Variants in LRRC14 observed in about 807,000 individuals in gnomAD.
LRRC14 encodes leucine rich repeat containing 14.
In LRRC14, 16 loss-of-function variants were observed where a neutral mutation model predicts 25.3. That is an observed-to-expected ratio of 0.63 (90% CI 0.43 to 0.96). The LOEUF is 0.96. Among genes scored for constraint, LRRC14 ranks in the 40% least tolerant of loss-of-function variants. LRRC14 has a pLI of 0.00. For synonymous variants in LRRC14, 359 were observed against 295.1 expected (o/e 1.22, Z -2.22); for missense variants, 594 against 660.5 (o/e 0.90, Z 1.10).
In LRRC14 at chr8:144,520,921, A is replaced by G; in HGVS notation, c.925A>G (p.Ser309Gly). ...CTGTGTCCCCTGTAGCACCCTGCAGAGCCCCCTGGAGAGCCTGGAGTTGGC... is the reference window on the plus strand; with the variant it reads ...CTGTGTCCCCTGTAGCACCCTGCAGGGCCCCCTGGAGAGCCTGGAGTTGGC... ...RLDQLLSTLQ[S>G]PLESLELAFC... Residue 309 changes from serine (S) to glycine (G), a missense_variant, in exon 4 of 4, where the codon AGC becomes GGC. Physicochemically the swap from Ser to Gly is moderately conservative, Grantham distance 56. Transcript: ENST00000292524. 1 of 1,610,324 alleles carries G rather than the reference A, an allele frequency of 6.2e-7. No individual in the cohort carries two copies. The highest frequency in any genetic ancestry group is 8.5e-7 in the Non-Finnish European group (1 of 1,179,386).
Position 144,522,624 on chromosome 8 carries a change from C to A in LRRC14, c.*1146C>A. ...ATGACGAACATCTCGTGGCCGCGCT[C>A]GTCGCGGAGCTCCTCTAGCTGTGCG... On this transcript the variant is annotated 3_prime_UTR_variant, in exon 4 of 4. Coordinates refer to ENST00000292524, the MANE Select transcript of LRRC14 (RefSeq NM_014665.4). 1 of 1,574,204 alleles carries A rather than the reference C, an allele frequency of 6.4e-7. No homozygotes were observed. The highest frequency in any genetic ancestry group is 8.6e-7 in the Non-Finnish European group (1 of 1,162,670).
At position 144,521,334 on chromosome 8, in the gene LRRC14, C is replaced by T. The variant is rs758420904; in HGVS notation, c.1338C>T (p.Val446=). Residue 446 remains valine (V), a synonymous_variant, in exon 4 of 4, where the codon GTC becomes GTT. Coordinates refer to ENST00000292524, the MANE Select transcript of LRRC14 (RefSeq NM_014665.4). ...EGLPWPPPAS[V]LLEASINEEK... ...TGCCCTGGCCGCCGCCTGCCTCTGT[C>T]CTGCTGGAGGCCTCCATCAATGAGG... 5 of 1,612,978 alleles carry T rather than the reference C, an allele frequency of 3.1e-6. No individual in the cohort carries two copies. Among genetic ancestry groups the T allele is most frequent in the Non-Finnish European group, 4.2e-6 (5 of 1,180,020 alleles).
chr8:144,523,801 C>T lies in LRRC14; in HGVS notation c.*2323C>T, dbSNP rs1816232091. The T allele has an allele frequency of 6.6e-6, 3 of 452,964 alleles. No individual in the cohort carries two copies. The highest frequency in any genetic ancestry group is 7.8e-6 in the Non-Finnish European group (2 of 255,994). The allele number at this position is 452,964 out of a possible 1,614,324, so 28.1% of individuals were successfully genotyped here. ...TGGATGCCCTCTCTTGGGAATGTCC[C>T]CAGTCCTGGTCAGCTGTCTCTCTCC... On this transcript the variant is annotated 3_prime_UTR_variant, in exon 4 of 4. Coordinates refer to ENST00000292524, the MANE Select transcript of LRRC14 (RefSeq NM_014665.4).
In LRRC14 at chr8:144,525,131, A is replaced by G; in HGVS notation, c.*3653A>G. ...GCGTCTAACTTTTGACGCTATAAAT[A>G]GGTTCAAGAAACTAATAAAACGTTC... On this transcript the variant is annotated 3_prime_UTR_variant, in exon 4 of 4. Coordinates refer to ENST00000292524, the MANE Select transcript of LRRC14 (RefSeq NM_014665.4). 6.9e-6 allele frequency: 5 copies of G among 721,662 alleles called. No individual in the cohort carries two copies. Among genetic ancestry groups the G allele is most frequent in the Non-Finnish European group, 9.9e-6 (5 of 505,558 alleles). The allele number at this position is 721,662 out of a possible 1,614,324, so 44.7% of individuals were successfully genotyped here.
Position 144,521,439 on chromosome 8 carries a change from C to T in LRRC14, c.1443C>T (p.Asp481=), listed in dbSNP as rs1025644909. The T allele has an allele frequency of 1.2e-6, 2 of 1,607,162 alleles. No homozygotes were observed. The highest frequency in any genetic ancestry group is 2.2e-5 in the East Asian group (1 of 44,870). ...SGRAHVLWTT[D]IYGRLAADYF... is the part of the protein sequence containing the mutation. ...GTGCCCATGTGCTCTGGACCACGGACATCTACGGGCGACTGGCTGCGGACT... is the reference window on the plus strand; with the variant it reads ...GTGCCCATGTGCTCTGGACCACGGATATCTACGGGCGACTGGCTGCGGACT... The change falls in exon 4 of 4, where the codon GAC becomes GAT. Residue 481 remains aspartate (D), a synonymous_variant. Transcript: ENST00000292524.
rs202056931 is a variant in LRRC14, at chr8:144,520,565, A to G, written c.657A>G (p.Ala219=). 30 of 1,600,116 alleles carry G rather than the reference A, an allele frequency of 1.9e-5. No individual in the cohort carries two copies. Among genetic ancestry groups the G allele is most frequent in the Non-Finnish European group, 2.5e-5 (30 of 1,179,864 alleles). Residue 219 remains alanine (A), a synonymous_variant, in exon 3 of 4, where the codon GCA becomes GCG. Coordinates refer to ENST00000292524, the MANE Select transcript of LRRC14 (RefSeq NM_014665.4). ...NTVALLQLLD[A]GCLRRVDLRF... is the part of the protein sequence containing the mutation. ...TGGCCCTGCTGCAGCTTCTGGATGC[A>G]GGCTGCCTGCGCCGCGTGGACCTGC...
chr8:144,522,522 G>T lies in LRRC14; in HGVS notation c.*1044G>T, dbSNP rs532519276. ...ACCGGCGGGGGCACGCGGAGTCCCGGCCCCGCCCCCTGTTCCGGGCCGCAG... is the reference window on the plus strand; with the variant it reads ...ACCGGCGGGGGCACGCGGAGTCCCGTCCCCGCCCCCTGTTCCGGGCCGCAG... On this transcript the variant is annotated 3_prime_UTR_variant, in exon 4 of 4. Transcript: ENST00000292524. The T allele has an allele frequency of 2.6e-6, 4 of 1,513,554 alleles. No homozygotes were observed. Among genetic ancestry groups the T allele is most frequent in the African/African-American group, 2.9e-5 (2 of 69,632 alleles). 93.8% of individuals were successfully genotyped at this position (1,513,554 alleles called of 1,614,324 possible).
rs906694608 is a variant in LRRC14 at position 144,525,103 on chromosome 8, C to G, written c.*3625C>G. On this transcript the variant is annotated 3_prime_UTR_variant, in exon 4 of 4. Coordinates refer to ENST00000292524, the MANE Select transcript of LRRC14 (RefSeq NM_014665.4). Reference sequence around the variant, plus strand: ...CCAATAGATGGAATGGAGGCCTGCACCTGCGTCTAACTTTTGACGCTATAA... The same window carrying G: ...CCAATAGATGGAATGGAGGCCTGCAGCTGCGTCTAACTTTTGACGCTATAA... The G allele has an allele frequency of 2.1e-5, 22 of 1,051,666 alleles. No individual in the cohort carries two copies. In the Admixed American group the frequency reaches 6.5e-4, roughly 31 times the overall value. The allele number at this position is 1,051,666 out of a possible 1,614,324, so 65.1% of individuals were successfully genotyped here.
In LRRC14 at chr8:144,522,882, C is replaced by T. The variant is rs1816176784; in HGVS notation, c.*1404C>T. The T allele has an allele frequency of 1.6e-6, 2 of 1,268,568 alleles. No individual in the cohort carries two copies. Among genetic ancestry groups the T allele is most frequent in the Non-Finnish European group, 2.0e-6 (2 of 1,014,012 alleles). The allele number at this position is 1,268,568 out of a possible 1,614,324, so 78.6% of individuals were successfully genotyped here. A position where few individuals can be genotyped will look rare whatever the true frequency, so the allele number is the denominator to read the frequency against. On this transcript the variant is annotated 3_prime_UTR_variant, in exon 4 of 4. Transcript: ENST00000292524. ...GGCTCGCTGCCGGCGGGGCGGGCGG[C>T]CGGAGGCGGCGGTTGCGCGGGCTGC...
chr8:144,523,913 G>C lies in LRRC14; in HGVS notation c.*2435G>C. ...TCACCCTGTGGAGTTCCTGTCTTCT[G>C]TTTTCCCCAGGCAGGGTGCCTGAGC... On this transcript the variant is annotated 3_prime_UTR_variant, in exon 4 of 4. Transcript: ENST00000292524. 1 of 651,528 alleles carries C rather than the reference G, an allele frequency of 1.5e-6. No homozygotes were observed. The highest frequency in any genetic ancestry group is 2.6e-6 in the Non-Finnish European group (1 of 378,586). 40.4% of individuals were successfully genotyped at this position (651,528 alleles called of 1,614,324 possible).
Position 144,522,128 on chromosome 8 carries a change from C to T in LRRC14, c.*650C>T, listed in dbSNP as rs1356564123. ...GCAACAACTGCCATCCAGCCTGTCG[C>T]CCCGCCCTTCGCGGGGCAGCCCCGT... is the stretch of plus-strand genomic sequence containing the variant. On this transcript the variant is annotated 3_prime_UTR_variant, in exon 4 of 4. Transcript: ENST00000292524. 1.0e-5 allele frequency: 3 copies of T among 298,246 alleles called. No individual in the cohort carries two copies. The highest frequency in any genetic ancestry group is 9.0e-4 in the Middle Eastern group (1 of 1,114). 18.5% of individuals were successfully genotyped at this position (298,246 alleles called of 1,614,324 possible).
In LRRC14 at chr8:144,522,738, G is replaced by T. The variant is rs1440288925; in HGVS notation, c.*1260G>T. On this transcript the variant is annotated 3_prime_UTR_variant, in exon 4 of 4. Transcript: ENST00000292524. ...GCCTTTTTTCGCCTGCGGCGCCGGC[G>T]ACAGATCATGGCGACCAGGAGCAGC... The T allele has an allele frequency of 6.3e-7, 1 of 1,590,054 alleles. No homozygotes were observed. The highest frequency in any genetic ancestry group is 1.1e-5 in the South Asian group (1 of 88,010).
chr8:144,522,302 G>T lies in LRRC14; in HGVS notation c.*824G>T. The T allele has an allele frequency of 1.0e-6, 1 of 971,832 alleles. No homozygotes were observed. The highest frequency in any genetic ancestry group is 1.4e-6 in the Non-Finnish European group (1 of 717,930). 60.2% of individuals were successfully genotyped at this position (971,832 alleles called of 1,614,324 possible). Reference sequence around the variant, plus strand: ...GAAGAGCTTCAAGGGAGGTGTTGGGGCCTCCCCGGCCACCTTCCATTGCTA... The same window carrying T: ...GAAGAGCTTCAAGGGAGGTGTTGGGTCCTCCCCGGCCACCTTCCATTGCTA... On this transcript the variant is annotated 3_prime_UTR_variant, in exon 4 of 4. Transcript: ENST00000292524.
At position 144,519,836 on chromosome 8, in the gene LRRC14, G is replaced by A. The variant is rs751649683; in HGVS notation, c.111G>A (p.Val37=). 39 of 1,613,426 alleles carry A rather than the reference G, an allele frequency of 2.4e-5. No homozygotes were observed. The highest frequency in any genetic ancestry group is 5.3e-5 in the African/African-American group (4 of 74,934). The change falls in exon 2 of 4, where the codon GTG becomes GTA. Residue 37 remains valine (V), a synonymous_variant. Coordinates refer to ENST00000292524, the MANE Select transcript of LRRC14 (RefSeq NM_014665.4). ...PRELFPLLFK[V]AFMDKKTVVL... ...AACTCTTCCCCCTGCTGTTCAAGGT[G>A]GCCTTCATGGACAAGAAGACAGTGG...
rs1473201431 is a variant in LRRC14 at position 144,521,635 on chromosome 8, T to C, written c.*157T>C. 3 of 720,970 alleles carry C rather than the reference T, an allele frequency of 4.2e-6. No individual in the cohort carries two copies. Among genetic ancestry groups the C allele is most frequent in the South Asian group, 3.8e-5 (2 of 52,404 alleles). 44.7% of individuals were successfully genotyped at this position (720,970 alleles called of 1,614,324 possible). ...TGGGCACACCTCAAGCCTCCCCTGC[T>C]TTCTGCAGTGCCCCACGCGGTTTTC... On this transcript the variant is annotated 3_prime_UTR_variant, in exon 4 of 4. Coordinates refer to ENST00000292524, the MANE Select transcript of LRRC14 (RefSeq NM_014665.4).
In LRRC14 at chr8:144,525,114, CTT is replaced by C. The variant is rs984445554; in HGVS notation, c.*3639_*3640del. The C allele has an allele frequency of 1.1e-6, 1 of 915,290 alleles. No homozygotes were observed. The highest frequency in any genetic ancestry group is 1.7e-5 in the African/African-American group (1 of 57,204). The allele number at this position is 915,290 out of a possible 1,614,324, so 56.7% of individuals were successfully genotyped here. On this transcript the variant is annotated 3_prime_UTR_variant, in exon 4 of 4. Coordinates refer to ENST00000292524, the MANE Select transcript of LRRC14 (RefSeq NM_014665.4). ...AATGGAGGCCTGCACCTGCGTCTAA[CTT>C]TTGACGCTATAAATAGGTTCAAGAA...
Position 144,520,811 on chromosome 8 carries a change from CCAG to C in LRRC14, c.905_907del (p.Gln302del). 4 of 1,597,098 alleles carry C rather than the reference CCAG, an allele frequency of 2.5e-6. No individual in the cohort carries two copies. Among genetic ancestry groups the C allele is most frequent in the Non-Finnish European group, 3.4e-6 (4 of 1,178,796 alleles). On this transcript the variant is annotated inframe_deletion, in exon 3 of 4. Transcript: ENST00000292524. ...CCTCTCTCCTTTCAGGGAGGCTGGA[CCAG>C]CTGCTCAGGTGAGCGGGCCCCACCA... is the stretch of plus-strand genomic sequence containing the variant.
Position 144,519,873 on chromosome 8 carries a change from T to G in LRRC14, c.148T>G (p.Leu50Val), listed in dbSNP as rs747694601. 1.2e-6 allele frequency: 2 copies of G among 1,613,360 alleles called. No homozygotes were observed. Among genetic ancestry groups the G allele is most frequent in the Non-Finnish European group, 8.5e-7 (1 of 1,180,032 alleles). ...CAAGAAGACAGTGGTACTGCGCGAG[T>G]TGGTACACACGTGGCCCTTCCCGCT... is the stretch of plus-strand genomic sequence containing the variant. ...MDKKTVVLRELVHTWPFPLLS... is the reference protein window; with the variant it reads ...MDKKTVVLREVVHTWPFPLLS... Residue 50 changes from leucine (L) to valine (V), a missense_variant, in exon 2 of 4, where the codon TTG becomes GTG. Coordinates refer to ENST00000292524, the MANE Select transcript of LRRC14 (RefSeq NM_014665.4).
chr8:144,523,942 A>T lies in LRRC14; in HGVS notation c.*2464A>T. 1.3e-6 allele frequency: 1 copy of T among 760,530 alleles called. No individual in the cohort carries two copies. Among genetic ancestry groups the T allele is most frequent in the Non-Finnish European group, 2.2e-6 (1 of 464,554 alleles). 47.1% of individuals were successfully genotyped at this position (760,530 alleles called of 1,614,324 possible). The stretch of plus-strand genomic sequence containing the variant: ...TCCCCAGGCAGGGTGCCTGAGCTGT[A>T]TTCCCCAGCACACCCACTCCCGCAG... On this transcript the variant is annotated 3_prime_UTR_variant, in exon 4 of 4. Coordinates refer to ENST00000292524, the MANE Select transcript of LRRC14 (RefSeq NM_014665.4).
Sources: gnomAD v4.1 joint callset for allele counts on GRCh38, gnomAD v4.1.1 for gene constraint, MANE v1.5 for transcripts, NCBI Gene and HGNC (gene_info 2026-07-23, HGNC 2026-07-21) for gene names.